Variants in SEC14L1 observed in about 807,000 individuals in gnomAD.
SEC14L1 encodes the protein SEC14 like lipid binding 1.
A neutral mutation model predicts 85.3 loss-of-function variants in SEC14L1; 48 were observed. That is an observed-to-expected ratio of 0.56 (90% CI 0.45 to 0.72). SEC14L1 has a LOEUF of 0.72. Among genes scored for constraint, SEC14L1 ranks in the 30% least tolerant of loss-of-function variants. SEC14L1 has a pLI of 0.00. For synonymous variants in SEC14L1, 391 were observed against 355.5 expected (o/e 1.10, Z -1.12); for missense variants, 682 against 921.4 (o/e 0.74, Z 3.36).
At chr17:77,201,478 T>C (rs555822309) in intron 9 of SEC14L1, among the ~76,000 whole-genome samples, 73 of 144,360 alleles carry the variant, frequency 5.1e-4, no homozygotes, top group African/African-American at 1.7e-3. Flanking sequence ...TGAGACAGAG[T>C]CTCGCTCTGT....
chr17:77,105,947 T>C (rs898861801), intron 3 of SEC14L1, among the ~76,000 whole-genome samples: 1 of 151,976 alleles, frequency 6.6e-6, no homozygotes, highest in African/African-American at 2.4e-5. Flanking sequence ...TGAATTATTT[T>C]GAGAGATTCT....
At chr17:77,212,525 C>T (rs993259582) in intron 15 of SEC14L1, among the ~76,000 whole-genome samples, 31 of 152,280 alleles carry the variant, frequency 2.0e-4, no homozygotes, top group African/African-American at 7.2e-4. Context: ...TTGTGTTTGT[C>T]TTTTTCAAAG....
chr17:77,187,263 A>G (rs1975307340), intron 3 of SEC14L1, among the ~76,000 whole-genome samples: 1 of 152,150 alleles, frequency 6.6e-6, no homozygotes, highest in Non-Finnish European at 1.5e-5. Flanking sequence ...CAGTCAAGCA[A>G]GAGTCATCCT....
At chr17:77,108,400 G>A (rs1325957780) in intron 3 of SEC14L1, among the ~76,000 whole-genome samples, 2 of 152,128 alleles carry the variant, frequency 1.3e-5, no homozygotes, top group Non-Finnish European at 2.9e-5. Context: ...CTTCCCACAG[G>A]TAACTGAAAC....
chr17:77,163,530 A>G (rs1318305711), intron 3 of SEC14L1, among the ~76,000 whole-genome samples: 1 of 152,018 alleles, frequency 6.6e-6, no homozygotes, highest in Non-Finnish European at 1.5e-5. Context: ...TATGAAGGCC[A>G]TTTACCAGAG....
At chr17:77,179,744 G>A (rs879651772) in intron 3 of SEC14L1, among the ~76,000 whole-genome samples, 1 of 151,620 alleles carries the variant, frequency 6.6e-6, no homozygotes, top group Non-Finnish European at 1.5e-5. Flanking sequence ...GCGCGATCTC[G>A]GCTCACTGCA....
intron 3 of SEC14L1, among the ~76,000 whole-genome samples, chr17:77,187,420 C>T (rs1269333413): frequency 6.6e-6 from 1 of 152,216 alleles, no homozygotes; most frequent in African/African-American, 2.4e-5. Context: ...CTCTGCCGCC[C>T]AGTTTGGAGT....
At chr17:77,158,790 T>C (rs1020666528) in intron 3 of SEC14L1, among the ~76,000 whole-genome samples, 1 of 144,974 alleles carries the variant, frequency 6.9e-6, no homozygotes, top group African/African-American at 2.5e-5. Flanking sequence ...ATTTTATAGC[T>C]TTCTTTCCTT....
In SEC14L1 at chr17:77,143,614, G is replaced by C. The variant is rs1376188644; in HGVS notation, c.18G>C (p.Gln6His). Residue 6 changes from glutamine (Q) to histidine (H), a missense_variant, in exon 3 of 17, where the codon CAG becomes CAC. Physicochemically the swap from Gln to His is conservative, Grantham distance 24. Coordinates refer to ENST00000436233, the MANE Select transcript of SEC14L1 (RefSeq NM_001143998.2). The part of the protein sequence containing the change: MVQKY[Q>H]SPVRVYKYPF... ...TTGCAATCATGGTGCAGAAATACCA[G>C]TCCCCAGTGAGGGTGTACAAATACC... 6.2e-7 allele frequency: 1 copy of C among 1,613,476 alleles called. No individual in the cohort carries two copies. Among genetic ancestry groups the C allele is most frequent in the Non-Finnish European group, 8.5e-7 (1 of 1,179,578 alleles).
intron 2 of SEC14L1, among the ~76,000 whole-genome samples, chr17:77,092,369 A>G (rs1009547709): frequency 6.6e-6 from 1 of 152,064 alleles, no homozygotes; most frequent in East Asian, 1.9e-4. Context: ...AGGAAAGGAC[A>G]TTTTCTGTTG....
intron 3 of SEC14L1, among the ~76,000 whole-genome samples, chr17:77,177,210 C>T (rs1974798040): frequency 6.6e-6 from 1 of 151,406 alleles, no homozygotes. Flanking sequence ...ATGAGCTGGT[C>T]AGGAATGTCT....
At chr17:77,125,782 G>A (rs1458058861) in intron 3 of SEC14L1, among the ~76,000 whole-genome samples, 1 of 152,150 alleles carries the variant, frequency 6.6e-6, no homozygotes, top group African/African-American at 2.4e-5. Flanking sequence ...GCTTTTCACC[G>A]TGACACCAGG....
At chr17:77,179,642 C>A (rs1298765256) in intron 3 of SEC14L1, among the ~76,000 whole-genome samples, 2 of 152,066 alleles carry the variant, frequency 1.3e-5, no homozygotes, top group African/African-American at 2.4e-5. Context: ...TGTGTTTGAT[C>A]TCAGAAATGT....
chr17:77,185,777 C>T (rs1445899314), intron 3 of SEC14L1, among the ~76,000 whole-genome samples: 1 of 151,976 alleles, frequency 6.6e-6, no homozygotes, highest in Non-Finnish European at 1.5e-5. Flanking sequence ...TGGTAGCCAA[C>T]CTGTTTTCCT....
intron 3 of SEC14L1, among the ~76,000 whole-genome samples, chr17:77,147,626 A>G (rs867014947): frequency 2.2e-4 from 33 of 152,166 alleles, no homozygotes; most frequent in Admixed American, 5.9e-4. Flanking sequence ...TCTCGAGTTT[A>G]GTGTTCTTTT....
chr17:77,135,393 A>T (rs1972763493), intron 3 of SEC14L1, among the ~76,000 whole-genome samples: 1 of 152,222 alleles, frequency 6.6e-6, no homozygotes, highest in Non-Finnish European at 1.5e-5. Context: ...TCAACTCCCC[A>T]GAGACTGGCT....
chr17:77,098,367 T>A (rs1157169446), intron 3 of SEC14L1, among the ~76,000 whole-genome samples: 45 of 151,794 alleles, frequency 3.0e-4, no homozygotes, highest in African/African-American at 1.0e-3. Context: ...GGCGTGGTGG[T>A]GCATACCTGT....
intron 1 of SEC14L1, chr17:77,141,336 T>A (rs1006193069): frequency 6.9e-5 from 1 of 14,522 alleles, no homozygotes; most frequent in Non-Finnish European, 1.4e-4. Flanking sequence ...CTCGCCCCCC[T>A]CCCCCGCCCC....
At chr17:77,183,417 AC>A (rs1252011916) in intron 3 of SEC14L1, among the ~76,000 whole-genome samples, 1 of 152,178 alleles carries the variant, frequency 6.6e-6, no homozygotes, top group Non-Finnish European at 1.5e-5. Context: ...ATGACACTTT[AC>A]CCCTACATAC....
Sources: gnomAD v4.1 joint callset for allele counts (sites outside exome capture counted in the v4.1 genomes callset) on GRCh38, gnomAD v4.1.1 for gene constraint, MANE v1.5 for transcripts, NCBI Gene and HGNC (gene_info 2026-07-23, HGNC 2026-07-21) for gene names.